PSG8: variants seen among roughly 807,000 people sequenced by gnomAD.
The protein encoded by PSG8 is pregnancy-specific beta-1-glycoprotein 8.
PSG8 carries 57 observed loss-of-function variants against 42.5 expected under a neutral mutation model. That is an observed-to-expected ratio of 1.34 (90% CI 1.08 to 1.67). The LOEUF (loss-of-function observed/expected upper bound fraction) is 1.67. PSG8 is among the 40% of genes most tolerant of loss of function. The pLI, the probability that PSG8 is intolerant of heterozygous loss-of-function variation, is 0.00. For missense variants in PSG8, 783 were observed against 518.6 expected (o/e 1.51, Z -4.95); for synonymous variants, 280 against 196.8 (o/e 1.42, Z -3.54).
chr19:42,758,235 C>T lies in PSG8; in HGVS notation c.476G>A (p.Arg159Lys), dbSNP rs1426474877. The change falls in exon 3 of 5, where the codon AGG becomes AAG. Residue 159 changes from arginine to lysine, a missense_variant. Coordinates refer to ENST00000306511, the MANE Select transcript of PSG8 (RefSeq NM_182707.3). ...TAAGCTCACAGCCTCCATGGCCTCC[C>T]TGGGGTTTAATTTGCTGCTGGAGAT... Reference protein sequence around the residue: ...PSISSSKLNPREAMEAVSLTC... With the variant: ...PSISSSKLNPKEAMEAVSLTC... 2 of 1,613,904 alleles carry T rather than the reference C, an allele frequency of 1.2e-6. No individual in the cohort carries two copies. The highest frequency in any genetic ancestry group is 2.2e-5 in the East Asian group (1 of 44,894).
chr19:42,754,698 C>T (rs1243631981), intron 4 of PSG8, 111 bp from the exon 5 acceptor site: 2 of 1,364,720 alleles, frequency 1.5e-6, no homozygotes, highest in Admixed American at 2.5e-5. Flanking sequence ...CCTCAAGTCC[C>T]AGCCCAACCC....
rs539915308 is a variant in PSG8 at position 42,765,209 on chromosome 19, A to G, written c.64+309T>C. Among the ~76,000 whole-genome samples, 94 of 148,664 alleles carry G rather than the reference A, an allele frequency of 6.3e-4. 1 individual carries two copies. The highest frequency in any genetic ancestry group is 2.3e-3 in the African/African-American group (93 of 39,946). ...ATACTGTCTCCCAGGCTGGCGTGCG[A>G]TGGCACTATCTCAGCTAGCTGCAAC... On this transcript the variant is annotated intron_variant, in intron 1 of 4. Coordinates refer to ENST00000306511, the MANE Select transcript of PSG8 (RefSeq NM_182707.3).
chr19:42,760,455 C>A (rs1970045073), intron 2 of PSG8, among the ~76,000 whole-genome samples: 1 of 152,112 alleles, frequency 6.6e-6, no homozygotes, highest in Non-Finnish European at 1.5e-5. Context: ...CACTTTTTTA[C>A]CCCACTCTTT....
intron 2 of PSG8, among the ~76,000 whole-genome samples, chr19:42,760,764 A>G (rs1970053107): frequency 6.6e-6 from 1 of 152,032 alleles, no homozygotes; most frequent in South Asian, 2.1e-4. Flanking sequence ...TTGTATTTTT[A>G]GTAGAGACGA....
At position 42,754,263 on chromosome 19, in the gene PSG8, T is replaced by A. The variant is rs1969852337; in HGVS notation, c.*32A>T. On this transcript the variant is annotated 3_prime_UTR_variant, in exon 5 of 5. Transcript: ENST00000306511. ...CAGGCTGGGAATAAAAATGTTTTCC[T>A]GACTCTTCCCTGAAGGCCAGATAGA... 6.2e-7 allele frequency: 1 copy of A among 1,606,162 alleles called. No individual in the cohort carries two copies. Among genetic ancestry groups the A allele is most frequent in the Admixed American group, 1.7e-5 (1 of 59,262 alleles).
In PSG8 at chr19:42,758,125, A is replaced by G. The variant is rs757187521; in HGVS notation, c.586T>C (p.Ser196Pro). The G allele has an allele frequency of 9.9e-6, 16 of 1,613,874 alleles. No homozygotes were observed. In the African/African-American group the frequency reaches 2.0e-4, roughly 20 times the overall value. Residue 196 changes from serine to proline, a missense_variant, in exon 3 of 5, where the codon TCT becomes CCT. Ser to Pro is a moderately conservative substitution (Grantham distance 74). Coordinates refer to ENST00000306511, the MANE Select transcript of PSG8 (RefSeq NM_182707.3). ...SLPMSHRLQLSETNRTLFLLG... is the reference protein window; with the variant it reads ...SLPMSHRLQLPETNRTLFLLG... ...AGAAAGAGGGTCCTGTTGGTTTCAGACAACTGCAACCTGTGAGACATAGGG... is the reference window on the plus strand; with the variant it reads ...AGAAAGAGGGTCCTGTTGGTTTCAGGCAACTGCAACCTGTGAGACATAGGG...
chr19:42,753,415 A>G (rs766549497), downstream of PSG8: 9 of 778,148 alleles, frequency 1.2e-5, no homozygotes, highest in Non-Finnish European at 1.9e-5. Flanking sequence ...CAATGAACAG[A>G]GATGCAATCT....
At chr19:42,759,023 C>A (rs888831495) in intron 2 of PSG8, 1 of 152,478 alleles carries the variant, frequency 6.6e-6, no homozygotes, top group Non-Finnish European at 1.5e-5. Flanking sequence ...ATGATGCTCC[C>A]TTCCCCCTGT....
downstream of PSG8, chr19:42,753,105 G>A (rs1268370812): frequency 1.6e-5 from 10 of 631,422 alleles, no homozygotes; most frequent in Non-Finnish European, 2.3e-5. Context: ...GGGGAGTCTT[G>A]TTCTGACATC....
chr19:42,765,262 T>C (rs542399480), intron 1 of PSG8, among the ~76,000 whole-genome samples: 18 of 151,820 alleles, frequency 1.2e-4, no homozygotes, highest in African/African-American at 3.9e-4. Context: ...ACGTGATTCT[T>C]CTGCCTCAGC....
At chr19:42,753,004 A>G, downstream of PSG8, 1 of 511,134 alleles carries the variant, frequency 2.0e-6, no homozygotes, top group South Asian at 2.5e-5. Context: ...AAGCTACTAC[A>G]TGTGAAATTC....
At chr19:42,760,674 C>T (rs920986824) in intron 2 of PSG8, among the ~76,000 whole-genome samples, 5 of 151,978 alleles carry the variant, frequency 3.3e-5, no homozygotes, top group African/African-American at 9.7e-5. Context: ...GCTCTGCCTC[C>T]TAGGTTCACG....
In PSG8 at chr19:42,754,585, C is replaced by G. The variant is rs536269041; in HGVS notation, c.991G>C (p.Gly331Arg). 3.1e-6 allele frequency: 5 copies of G among 1,610,770 alleles called. No homozygotes were observed. In the African/African-American group the frequency reaches 6.7e-5, roughly 22 times the overall value. Reference protein sequence around the residue: ...SYPVTLNVLYGPDLPRIYPSF... With the variant: ...SYPVTLNVLYRPDLPRIYPSF... Reference sequence around the variant, plus strand: ...GGGTAAATTCTGGGGAGGTCTGGACCATCTGGAGCAAAGAGAATAAAGCCA... The same window carrying G: ...GGGTAAATTCTGGGGAGGTCTGGACGATCTGGAGCAAAGAGAATAAAGCCA... The change falls in exon 5 of 5, where the codon GGT (glycine) becomes CGT (arginine). Residue 331 changes from glycine (G) to arginine (R), a missense_variant and splice_region_variant. Physicochemically the swap from Gly to Arg is moderately radical, Grantham distance 125 (BLOSUM62 -2). Transcript: ENST00000306511.
chr19:42,765,612 G>A lies in PSG8; in HGVS notation c.-31C>T, dbSNP rs774326303. The A allele has an allele frequency of 3.1e-6, 5 of 1,606,816 alleles. No homozygotes were observed. The South Asian group carries it at 5.5e-5, about 18-fold the overall frequency. On this transcript the variant is annotated 5_prime_UTR_variant, in exon 1 of 5. Transcript: ENST00000306511. ...CTGCTGTCTGTGTGTTCTCCTCTGTGGAGATGAGCCTAGGATCCAGAAGCT... is the reference window on the plus strand; with the variant it reads ...CTGCTGTCTGTGTGTTCTCCTCTGTAGAGATGAGCCTAGGATCCAGAAGCT...
At chr19:42,764,304 G>C (rs1970159285) in intron 1 of PSG8, 23 bp from the exon 2 acceptor site, 1 of 1,604,568 alleles carries the variant, frequency 6.2e-7, no homozygotes, top group Admixed American at 1.7e-5. Flanking sequence ...GAGAGCATCA[G>C]TCAATATTGA....
At chr19:42,763,642 G>A in intron 2 of PSG8, 2 of 599,310 alleles carry the variant, frequency 3.3e-6, no homozygotes, top group Non-Finnish European at 5.5e-6. Context: ...AGGGCATGAG[G>A]TGCTTGTCTG....
chr19:42,764,304 G>A, intron 1 of PSG8, 23 bp from the exon 2 acceptor site: 1 of 1,604,686 alleles, frequency 6.2e-7, no homozygotes, highest in East Asian at 2.2e-5. Context: ...GAGAGCATCA[G>A]TCAATATTGA....
Position 42,764,105 on chromosome 19 carries a change from A to G in PSG8, c.241T>C (p.Ser81Pro). The stretch of plus-strand genomic sequence containing the variant: ...ATTATTTGACCGTCTACTACATATG[A>G]TGTAATGTAATGGTAGAGGTCCCTG... ...QIRDLYHYIT[S>P]YVVDGQIIIY... is the part of the protein sequence containing the mutation. Residue 81 changes from serine to proline, a missense_variant, in exon 2 of 5, where the codon TCA becomes CCA. Coordinates refer to ENST00000306511, the MANE Select transcript of PSG8 (RefSeq NM_182707.3). 1 of 1,613,778 alleles carries G rather than the reference A, an allele frequency of 6.2e-7. No homozygotes were observed. The highest frequency in any genetic ancestry group is 1.3e-5 in the African/African-American group (1 of 74,964).
intron 2 of PSG8, among the ~76,000 whole-genome samples, chr19:42,759,356 A>G (rs114518072): frequency 0.011 from 1,685 of 152,104 alleles, 37 homozygotes; most frequent in African/African-American, 0.039. Context: ...ATGGTTGTGC[A>G]GTTTCAGTTA....
Sources: allele counts gnomAD v4.1 joint callset (sites outside exome capture counted in the v4.1 genomes callset), GRCh38; gene constraint gnomAD v4.1.1; transcripts MANE v1.5; gene names NCBI Gene and HGNC (gene_info 2026-07-23, HGNC 2026-07-21).